Variants in LRRN2 observed in about 807,000 individuals in gnomAD.
LRRN2 encodes the protein leucine-rich repeat neuronal protein 2.
LRRN2 carries 10 observed loss-of-function variants against 35.7 expected under a neutral mutation model. That is an observed-to-expected ratio of 0.28 (90% confidence interval 0.17 to 0.47). The LOEUF (loss-of-function observed/expected upper bound fraction) is 0.47, where lower values mean the gene tolerates loss of function less well. Ranked by LOEUF, LRRN2 falls within the 20% of genes least tolerant of loss-of-function variation. The pLI is 0.99. For synonymous variants in LRRN2, 391 were observed against 409.6 expected, an observed-to-expected ratio of 0.95 and a Z score of 0.55; for missense variants, 731 against 940.3, an observed-to-expected ratio of 0.78 and a Z score of 2.91.
At chr1:204,652,623 A>T (rs1668261090) in intron 1 of LRRN2, among the ~76,000 whole-genome samples, 1 of 152,102 alleles carries the variant, frequency 6.6e-6, no homozygotes. Context: ...AATGGCAGCT[A>T]TTTCTAATAT....
In LRRN2 at chr1:204,618,015, C is replaced by T; in HGVS notation, c.1978G>A (p.Gly660Ser). ...LGTGQPRKGV[G>S]GRRPLPPAWA... ...GCTGGAGGGAGAGGCCGCCTCCCAC[C>T]CACACCCTTCCTGGGTTGGCCTGTG... is the stretch of plus-strand genomic sequence containing the variant. The change falls in exon 2 of 2, where the codon GGT becomes AGT. Residue 660 changes from glycine (G) to serine (S), a missense_variant. Physicochemically the swap from Gly to Ser is moderately conservative, Grantham distance 56. Around this residue, in one of 3 missense-constraint regions of LRRN2, gnomAD observed 229 missense variants for 258.4 expected, o/e 0.89. Coordinates refer to ENST00000367177, the MANE Select transcript of LRRN2 (RefSeq NM_201630.2). 6.2e-7 allele frequency: 1 copy of T among 1,612,822 alleles called. No homozygotes were observed. Among genetic ancestry groups the T allele is most frequent in the Non-Finnish European group, 8.5e-7 (1 of 1,179,424 alleles).
At chr1:204,671,403 T>TGTGTGTGTG (rs1553350489) in intron 1 of LRRN2, among the ~76,000 whole-genome samples, 6,697 of 122,746 alleles carry the variant, frequency 0.055, 300 homozygotes, top group Non-Finnish European at 0.078. Flanking sequence ...GTTTGTGTGT[T>TGTGTGTGTG]TGTGTGTGTG....
intron 1 of LRRN2, among the ~76,000 whole-genome samples, chr1:204,651,234 C>T (rs558337934): frequency 2.0e-5 from 3 of 152,322 alleles, no homozygotes; most frequent in South Asian, 2.1e-4. Context: ...CTACAGCCAC[C>T]TGAATGAGCT....
chr1:204,650,478 A>AG (rs1668198989), intron 1 of LRRN2, among the ~76,000 whole-genome samples: 1 of 152,086 alleles, frequency 6.6e-6, no homozygotes, highest in Non-Finnish European at 1.5e-5. Context: ...GTCAGGGGTG[A>AG]GGGTAGGGGT....
chr1:204,619,053 T>C lies in LRRN2; in HGVS notation c.940A>G (p.Lys314Glu). The change falls in exon 2 of 2, where the codon AAG becomes GAG. Residue 314 changes from lysine to glutamate, a missense_variant. Coordinates refer to ENST00000367177, the MANE Select transcript of LRRN2 (RefSeq NM_201630.2). ...FALVNLPELT[K>E]LDITNNPRLS... ...CGTGGGTTATTGGTGATGTCCAGCT[T>C]GGTCAGCTCGGGGAGGTTCACCAGG... is the stretch of plus-strand genomic sequence containing the variant. 6.2e-7 allele frequency: 1 copy of C among 1,606,658 alleles called. No homozygotes were observed. Among genetic ancestry groups the C allele is most frequent in the East Asian group, 2.2e-5 (1 of 44,752 alleles).
At chr1:204,680,098 C>T (rs1480487394) in intron 1 of LRRN2, among the ~76,000 whole-genome samples, 1 of 152,186 alleles carries the variant, frequency 6.6e-6, no homozygotes, top group Non-Finnish European at 1.5e-5. Context: ...GGCTAACTCC[C>T]TCCCTTGGAT....
chr1:204,632,143 A>G (rs1158148506), intron 1 of LRRN2, among the ~76,000 whole-genome samples: 2 of 152,052 alleles, frequency 1.3e-5, no homozygotes, highest in Non-Finnish European at 2.9e-5. Flanking sequence ...CTGGGGTGAG[A>G]GAATCGCTTG....
At position 204,618,570 on chromosome 1, in the gene LRRN2, G is replaced by T; in HGVS notation, c.1423C>A (p.Arg475=). 1 of 1,613,992 alleles carries T rather than the reference G, an allele frequency of 6.2e-7. No homozygotes were observed. Among genetic ancestry groups the T allele is most frequent in the Non-Finnish European group, 8.5e-7 (1 of 1,180,004 alleles). ...TCCAGGGTCCCCTCGGGGTACACCC[G>T]GTACCTCCTGCCTGCATGGGCAGGT... ...LTPAHAGRRY[R]VYPEGTLELR... The change falls in exon 2 of 2, where the codon CGG becomes AGG. Residue 475 remains arginine, a synonymous_variant. Coordinates refer to ENST00000367177, the MANE Select transcript of LRRN2 (RefSeq NM_201630.2).
At chr1:204,674,534 G>A (rs1452302021) in intron 1 of LRRN2, among the ~76,000 whole-genome samples, 1 of 152,196 alleles carries the variant, frequency 6.6e-6, no homozygotes, top group Non-Finnish European at 1.5e-5. Context: ...CTGGGGCACT[G>A]ATTTTAGGCA....
chr1:204,640,731 C>G (rs1667958329), intron 1 of LRRN2, among the ~76,000 whole-genome samples: 1 of 152,126 alleles, frequency 6.6e-6, no homozygotes, highest in African/African-American at 2.4e-5. Flanking sequence ...ACTCCCTTGT[C>G]CCACTGGCAG....
Position 204,618,070 on chromosome 1 carries a change from G to T in LRRN2, c.1923C>A (p.Leu641=), listed in dbSNP as rs536514083. ...LIAILALAVL[L]LAAGLAAHLG... Reference sequence around the variant, plus strand: ...GGTGGGCCGCTAGCCCAGCTGCCAGGAGAAGGACAGCGAGAGCCAGGATGG... The same window carrying T: ...GGTGGGCCGCTAGCCCAGCTGCCAGTAGAAGGACAGCGAGAGCCAGGATGG... The change falls in exon 2 of 2, where the codon CTC becomes CTA. Residue 641 remains leucine, a synonymous_variant. Coordinates refer to ENST00000367177, the MANE Select transcript of LRRN2 (RefSeq NM_201630.2). The T allele has an allele frequency of 1.2e-6, 2 of 1,613,938 alleles. No homozygotes were observed. The highest frequency in any genetic ancestry group is 1.7e-6 in the Non-Finnish European group (2 of 1,179,928).
In LRRN2 at chr1:204,618,176, G is replaced by T; in HGVS notation, c.1817C>A (p.Thr606Asn). ...CLQVAFADAHTQLACVWARTK... is the reference protein window; with the variant it reads ...CLQVAFADAHNQLACVWARTK... Reference sequence around the variant, plus strand: ...CCTGGCCCATACACAAGCCAACTGGGTGTGGGCATCAGCAAAGGCCACTTG... The same window carrying T: ...CCTGGCCCATACACAAGCCAACTGGTTGTGGGCATCAGCAAAGGCCACTTG... Residue 606 changes from threonine (T) to asparagine (N), a missense_variant, in exon 2 of 2, where the codon ACC becomes AAC. Physicochemically the swap from Thr to Asn is moderately conservative, Grantham distance 65. This residue lies in a region of LRRN2 where 229 missense variants were observed against 258.4 expected (regional missense o/e 0.89). Coordinates refer to ENST00000367177, the MANE Select transcript of LRRN2 (RefSeq NM_201630.2). 1 of 1,614,158 alleles carries T rather than the reference G, an allele frequency of 6.2e-7. No individual in the cohort carries two copies. The highest frequency in any genetic ancestry group is 2.2e-5 in the East Asian group (1 of 44,876).
intron 1 of LRRN2, among the ~76,000 whole-genome samples, chr1:204,656,367 CT>C (rs1336197078): frequency 6.6e-6 from 1 of 152,164 alleles, no homozygotes; most frequent in Non-Finnish European, 1.5e-5. Context: ...AAACAATCCC[CT>C]TTTCTACCTC....
At chr1:204,644,962 T>G (rs1024222053) in intron 1 of LRRN2, among the ~76,000 whole-genome samples, 1 of 152,180 alleles carries the variant, frequency 6.6e-6, no homozygotes, top group Non-Finnish European at 1.5e-5. Flanking sequence ...AGAGGACTGA[T>G]AGGCTCATCC....
At chr1:204,625,230 G>A (rs1467932772) in intron 1 of LRRN2, among the ~76,000 whole-genome samples, 1 of 152,192 alleles carries the variant, frequency 6.6e-6, no homozygotes, top group African/African-American at 2.4e-5. Context: ...CCCTGAGCTG[G>A]GAATGGGGAT....
intron 1 of LRRN2, among the ~76,000 whole-genome samples, chr1:204,627,640 C>T (rs1667496919): frequency 6.6e-6 from 1 of 152,224 alleles, no homozygotes; most frequent in Non-Finnish European, 1.5e-5. Flanking sequence ...GTGCACTGCA[C>T]CAAAAAAGGC....
At chr1:204,643,521 A>G (rs1398441369) in intron 1 of LRRN2, among the ~76,000 whole-genome samples, 1 of 152,070 alleles carries the variant, frequency 6.6e-6, no homozygotes, top group Non-Finnish European at 1.5e-5. Flanking sequence ...GTGGATTTTG[A>G]GGCCTGGATT....
intron 1 of LRRN2, among the ~76,000 whole-genome samples, chr1:204,654,108 G>C (rs748345445): frequency 2.3e-4 from 34 of 150,056 alleles, no homozygotes; most frequent in Non-Finnish European, 4.0e-4. Flanking sequence ...GCTGGGATTT[G>C]AATCTCGGCA....
intron 1 of LRRN2, among the ~76,000 whole-genome samples, chr1:204,682,052 C>T (rs1668966779): frequency 6.6e-6 from 1 of 152,246 alleles, no homozygotes; most frequent in Non-Finnish European, 1.5e-5. Context: ...GCTTCTAGTC[C>T]CCATCCTTTA....
Sources: gnomAD v4.1 joint callset for allele counts (sites outside exome capture counted in the v4.1 genomes callset) on GRCh38, gnomAD v4.1.1 for gene constraint, gnomAD v4.1.1 regional missense constraint, MANE v1.5 for transcripts, NCBI Gene and HGNC (gene_info 2026-07-23, HGNC 2026-07-21) for gene names.